The following MCOLN1 variants were observed in gnomAD, a reference collection of about 807,000 sequenced individuals.
MCOLN1 encodes mucolipin TRP cation channel 1, also known as mucolipin-1.
MCOLN1 carries 50 observed loss-of-function variants against 70.3 expected under a neutral mutation model. The observed-to-expected ratio is 0.71, with a 90% CI of 0.57 to 0.90. The LOEUF (loss-of-function observed/expected upper bound fraction) is 0.90. Among genes scored for constraint, MCOLN1 ranks in the 40% least tolerant of loss-of-function variants. The pLI is 0.00. For missense variants in MCOLN1, 598 were observed against 803.5 expected (o/e 0.74, Z 3.09); for synonymous variants, 366 against 341.0 (o/e 1.07, Z -0.81).
In MCOLN1 at chr19:7,533,994, G is replaced by A. The variant is rs1422021332; in HGVS notation, c.*199G>A. The A allele has an allele frequency of 1.5e-6, 1 of 661,860 alleles. No individual in the cohort carries two copies. The highest frequency in any genetic ancestry group is 1.8e-5 in the African/African-American group (1 of 55,418). The allele number at this position is 661,860 out of a possible 1,614,324, so 41.0% of individuals were successfully genotyped here. A position where few individuals can be genotyped will look rare whatever the true frequency, so the allele number is the denominator to read the frequency against. On this transcript the variant is annotated 3_prime_UTR_variant, in exon 14 of 14. Transcript: ENST00000264079. The stretch of plus-strand genomic sequence containing the variant: ...GTTGAATAAAAGGGAAAATAAATGT[G>A]TCGTTTTCATTTTTAGCGGGAGGAG...
In MCOLN1 at chr19:7,525,105, A is replaced by C. The variant is rs750866741; in HGVS notation, c.176A>C (p.Lys59Thr). 3 of 1,614,186 alleles carry C rather than the reference A, an allele frequency of 1.9e-6. No individual in the cohort carries two copies. Among genetic ancestry groups the C allele is most frequent in the Non-Finnish European group, 2.5e-6 (3 of 1,180,038 alleles). The change falls in exon 2 of 14, where the codon AAG (lysine) becomes ACG (threonine). Residue 59 changes from lysine (K) to threonine (T), a missense_variant. Lys to Thr is a moderately conservative substitution (Grantham distance 78, BLOSUM62 -1). Around this residue, in one of 3 missense-constraint regions of MCOLN1, gnomAD observed 461 missense variants for 588.4 expected, o/e 0.78. Coordinates refer to ENST00000264079, the MANE Select transcript of MCOLN1 (RefSeq NM_020533.3). This position sits in a 1 kb window ranked among gnomAD's most constrained non-coding sequence, Gnocchi z 4.2. ...FMSPCDKFRA[K>T]GRKPCKLMLQ... is the part of the protein sequence containing the mutation. ...AGTCCCTGCGACAAGTTTCGAGCCA[A>C]GGGCCGCAAGCCCTGCAAGCTGATG...
chr19:7,529,560 C>T, intron 10 of MCOLN1, 30 bp from the exon 11 acceptor site: 2 of 1,609,158 alleles, frequency 1.2e-6, no homozygotes, highest in Non-Finnish European at 1.7e-6. Flanking sequence ...TGGCCACACC[C>T]TCAACGAGGC....
chr19:7,525,011 C>T lies in MCOLN1; in HGVS notation c.82C>T (p.Pro28Ser). 1.2e-6 allele frequency: 2 copies of T among 1,613,386 alleles called. No individual in the cohort carries two copies. The highest frequency in any genetic ancestry group is 1.7e-6 in the Non-Finnish European group (2 of 1,179,944). ...CCCCGGGTATGGGACCCAGGCGGGGCCTTCACCGGCCCCTCCGACACCCCC... is the reference window on the plus strand; with the variant it reads ...CCCCGGGTATGGGACCCAGGCGGGGTCTTCACCGGCCCCTCCGACACCCCC... ...PNPGYGTQAG[P>S]SPAPPTPPEE... Residue 28 changes from proline (P) to serine (S), a missense_variant, in exon 2 of 14, where the codon CCT (proline) becomes TCT (serine). Pro to Ser is a moderately conservative substitution (Grantham distance 74, BLOSUM62 -1). Around this residue, in one of 3 missense-constraint regions of MCOLN1, gnomAD observed 461 missense variants for 588.4 expected, o/e 0.78. Transcript: ENST00000264079. This position sits in a 1 kb window ranked among gnomAD's most constrained non-coding sequence, Gnocchi z 4.2.
intron 10 of MCOLN1, 91 bp from the exon 11 acceptor site, chr19:7,529,499 A>AGGC: frequency 9.3e-5 from 94 of 1,014,146 alleles, no homozygotes; most frequent in East Asian, 2.1e-4. Context: ...GCCCTCGGCA[A>AGGC]GGCCCCGCCC....
chr19:7,525,509 ACT>A lies in MCOLN1; in HGVS notation c.237+346_237+347del, dbSNP rs1408809702. The A allele has an allele frequency of 7.5e-5, 24 of 317,952 alleles. No individual in the cohort carries two copies. In the East Asian group the frequency reaches 2.2e-3, roughly 29 times the overall value. The allele number at this position is 317,952 out of a possible 1,614,324, so 19.7% of individuals were successfully genotyped here. A position where few individuals can be genotyped will look rare whatever the true frequency, so the allele number is the denominator to read the frequency against. On this transcript the variant is annotated intron_variant, in intron 2 of 13. Transcript: ENST00000264079. The surrounding 1 kb of genome is among the most constrained non-coding windows in gnomAD (Gnocchi z 4.2). The stretch of plus-strand genomic sequence containing the variant: ...CTGTCTCAAAAAAAAAAAGAAGCCG[ACT>A]CTGAGGCTCAGAGAGGTTAGGAGAC...
In MCOLN1 at chr19:7,529,341, T is replaced by C. The variant is rs1019019031; in HGVS notation, c.1236+139T>C. The C allele has an allele frequency of 1.6e-5, 15 of 924,442 alleles. No homozygotes were observed. In the East Asian group the frequency reaches 2.6e-4, roughly 16 times the overall value. The allele number at this position is 924,442 out of a possible 1,614,324, so 57.3% of individuals were successfully genotyped here. A position where few individuals can be genotyped will look rare whatever the true frequency, so the allele number is the denominator to read the frequency against. ...TCCTCCTACCTGCCCACACCAGATA[T>C]ATCTGTCACTGCACCTGCGCGGGGC... On this transcript the variant is annotated intron_variant, in intron 10 of 13. Transcript: ENST00000264079.
Position 7,533,756 on chromosome 19 carries a change from C to T in MCOLN1, c.1707-3C>T. Reference sequence around the variant, plus strand: ...GCCCCTCTTCCCTGCTTCCTTCCTCCAGGGACCCCTCGGAGGAGCATTCGC... The same window carrying T: ...GCCCCTCTTCCCTGCTTCCTTCCTCTAGGGACCCCTCGGAGGAGCATTCGC... On this transcript the variant is annotated splice_polypyrimidine_tract_variant and splice_region_variant and intron_variant, in intron 13 of 13. Transcript: ENST00000264079. The T allele has an allele frequency of 6.2e-7, 1 of 1,614,220 alleles. No individual in the cohort carries two copies. Among genetic ancestry groups the T allele is most frequent in the Non-Finnish European group, 8.5e-7 (1 of 1,180,028 alleles).
At position 7,524,003 on chromosome 19, in the gene MCOLN1, G is replaced by T. The variant is rs2022532260; in HGVS notation, c.32-958G>T. On this transcript the variant is annotated intron_variant, in intron 1 of 13. Transcript: ENST00000264079. This position sits in a 1 kb window ranked among gnomAD's most constrained non-coding sequence, Gnocchi z 4.1. ...ATGGGGTCCCAGCTACTAACTACGG[G>T]CATGAGCCGTCACACCTGACTATTT... Among the ~76,000 whole-genome samples the T allele has an allele frequency of 6.6e-6, 1 of 151,978 alleles. No individual in the cohort carries two copies. The highest frequency in any genetic ancestry group is 1.5e-5 in the Non-Finnish European group (1 of 67,996).
rs866517037 is a variant in MCOLN1, at chr19:7,528,831, G to A, written c.995G>A (p.Gly332Glu). 8 of 1,614,134 alleles carry A rather than the reference G, an allele frequency of 5.0e-6. No homozygotes were observed. The highest frequency in any genetic ancestry group is 4.0e-5 in the African/African-American group (3 of 74,942). ...GCCTGCCTTCTGCAGGAGTTTGTGGGGTTCATGTGGCGGCAGCGGGGACGG... is the reference window on the plus strand; with the variant it reads ...GCCTGCCTTCTGCAGGAGTTTGTGGAGTTCATGTGGCGGCAGCGGGGACGG... ...RGFLLQNEFVGFMWRQRGRVI... is the reference protein window; with the variant it reads ...RGFLLQNEFVEFMWRQRGRVI... Residue 332 changes from glycine to glutamate, a missense_variant, in exon 9 of 14, where the codon GGG (glycine) becomes GAG (glutamate). Coordinates refer to ENST00000264079, the MANE Select transcript of MCOLN1 (RefSeq NM_020533.3). The surrounding 1 kb of genome is among the most constrained non-coding windows in gnomAD (Gnocchi z 4.2).
Position 7,528,668 on chromosome 19 carries a change from G to A in MCOLN1, c.949G>A (p.Ala317Thr), listed in dbSNP as rs137887342. ...LTCSLSFLLC[A>T]RSLLRGFLLQ... ...CTGCTCCCTGTCCTTCCTCCTCTGCGCCCGCTCACTCCTTCGAGGCTTCCT... is the reference window on the plus strand; with the variant it reads ...CTGCTCCCTGTCCTTCCTCCTCTGCACCCGCTCACTCCTTCGAGGCTTCCT... The change falls in exon 8 of 14, where the codon GCC (alanine) becomes ACC (threonine). Residue 317 changes from alanine to threonine, a missense_variant. Coordinates refer to ENST00000264079, the MANE Select transcript of MCOLN1 (RefSeq NM_020533.3). The surrounding 1 kb of genome is among the most constrained non-coding windows in gnomAD (Gnocchi z 4.2). 1.3e-4 allele frequency: 209 copies of A among 1,614,034 alleles called. No homozygotes were observed. The highest frequency in any genetic ancestry group is 1.5e-4 in the South Asian group (14 of 91,088).
Position 7,533,575 on chromosome 19 carries a change from A to G in MCOLN1, c.1628A>G (p.Gln543Arg), listed in dbSNP as rs766172784. Residue 543 changes from glutamine (Q) to arginine (R), a missense_variant, in exon 13 of 14, where the codon CAG becomes CGG. By Grantham distance (43) the Gln-to-Arg change is conservative. Around this residue, in one of 3 missense-constraint regions of MCOLN1, gnomAD observed 59 missense variants for 58.8 expected, o/e 1.00. Transcript: ENST00000264079. ...EESELQAYIA[Q>R]CQDSPTSGKF... ...AGCGAGCTGCAGGCCTACATCGCACAGTGCCAGGACAGCCCCACCTCCGGC... is the reference window on the plus strand; with the variant it reads ...AGCGAGCTGCAGGCCTACATCGCACGGTGCCAGGACAGCCCCACCTCCGGC... 3 of 1,612,820 alleles carry G rather than the reference A, an allele frequency of 1.9e-6. No individual in the cohort carries two copies. Among genetic ancestry groups the G allele is most frequent in the South Asian group, 2.2e-5 (2 of 91,040 alleles).
In MCOLN1 at chr19:7,526,167, G is replaced by A; in HGVS notation, c.238-272G>A. On this transcript the variant is annotated intron_variant, in intron 2 of 13. Transcript: ENST00000264079. This position sits in a 1 kb window ranked among gnomAD's most constrained non-coding sequence, Gnocchi z 4.6. ...CATTTAATGAACGTTAGTCCCTGCA[G>A]TGAGATAGATGAGTCCCCACCCTGT... is the stretch of plus-strand genomic sequence containing the variant. 1.8e-6 allele frequency: 1 copy of A among 551,518 alleles called. No homozygotes were observed. Among genetic ancestry groups the A allele is most frequent in the South Asian group, 2.0e-5 (1 of 50,012 alleles). The allele number at this position is 551,518 out of a possible 1,614,324, so 34.2% of individuals were successfully genotyped here.
At position 7,526,681 on chromosome 19, in the gene MCOLN1, G is replaced by C. The variant is rs1406595321; in HGVS notation, c.405+75G>C. 6.2e-7 allele frequency: 1 copy of C among 1,600,444 alleles called. No individual in the cohort carries two copies. The highest frequency in any genetic ancestry group is 1.3e-5 in the African/African-American group (1 of 74,636). ...GGCAGGTGCAGTTGGGCGGGCAGGT[G>C]CTGGTGGGCGGGCAGGTGCAGGTGG... On this transcript the variant is annotated intron_variant, in intron 3 of 13. Coordinates refer to ENST00000264079, the MANE Select transcript of MCOLN1 (RefSeq NM_020533.3). The surrounding 1 kb of genome is among the most constrained non-coding windows in gnomAD (Gnocchi z 4.6).
In MCOLN1 at chr19:7,528,338, C is replaced by T. The variant is rs537620566; in HGVS notation, c.877+81C>T. ...TTCCCCAAGCCCCAGATCAGCGCTG[C>T]CTGGGGGCCGTGACCTCCCCAGGAA... On this transcript the variant is annotated intron_variant, in intron 7 of 13. Coordinates refer to ENST00000264079, the MANE Select transcript of MCOLN1 (RefSeq NM_020533.3). This position sits in a 1 kb window ranked among gnomAD's most constrained non-coding sequence, Gnocchi z 4.2. 1,297 of 1,375,944 alleles carry T rather than the reference C, an allele frequency of 9.4e-4. 27 individuals carry two copies. The South Asian group carries it at 0.015, about 15-fold the overall frequency. 85.2% of individuals were successfully genotyped at this position (1,375,944 alleles called of 1,614,324 possible).
At position 7,528,039 on chromosome 19, in the gene MCOLN1, C is replaced by T; in HGVS notation, c.777+79C>T. On this transcript the variant is annotated intron_variant, in intron 6 of 13. Coordinates refer to ENST00000264079, the MANE Select transcript of MCOLN1 (RefSeq NM_020533.3). The surrounding 1 kb of genome is among the most constrained non-coding windows in gnomAD (Gnocchi z 4.2). Reference sequence around the variant, plus strand: ...TCAGGGAGTGTCTTGGGAGCACTGGCCAAGGGCAAGCGTGCGGGTGATGAG... The same window carrying T: ...TCAGGGAGTGTCTTGGGAGCACTGGTCAAGGGCAAGCGTGCGGGTGATGAG... 1 of 1,535,228 alleles carries T rather than the reference C, an allele frequency of 6.5e-7. No individual in the cohort carries two copies. Among genetic ancestry groups the T allele is most frequent in the South Asian group, 1.1e-5 (1 of 89,448 alleles).
rs780062195 is a variant in MCOLN1, at chr19:7,533,503, C to T, written c.1576-20C>T. On this transcript the variant is annotated intron_variant, in intron 12 of 13. Transcript: ENST00000264079. ...GTTGGGAGCCACTTTCAGGCTGAGC[C>T]TCCCGGCTTCTCTCCCCAGCATCCC... 1.2e-6 allele frequency: 2 copies of T among 1,610,302 alleles called. No homozygotes were observed. Among genetic ancestry groups the T allele is most frequent in the South Asian group, 2.2e-5 (2 of 90,960 alleles).
chr19:7,531,987 A>T (rs891898029), intron 12 of MCOLN1, among the ~76,000 whole-genome samples: 2 of 152,170 alleles, frequency 1.3e-5, no homozygotes, highest in Non-Finnish European at 2.9e-5. Context: ...CTGAGCAGTA[A>T]AACTGGGCTC....
chr19:7,527,605 G>A lies in MCOLN1; in HGVS notation c.657G>A (p.Lys219=). 1.9e-6 allele frequency: 3 copies of A among 1,613,548 alleles called. No individual in the cohort carries two copies. The South Asian group carries it at 3.3e-5, about 18-fold the overall frequency. ...TCTTGGAAAGCAGCTCCAGTTACAA[G>A]AACCTCACGCTCAAATTCCACAAGT... is the stretch of plus-strand genomic sequence containing the variant. ...LTLLESSSSY[K]NLTLKFHKLV... is the part of the protein sequence containing the mutation. The change falls in exon 5 of 14, where the codon AAG becomes AAA. Residue 219 remains lysine, a synonymous_variant. Coordinates refer to ENST00000264079, the MANE Select transcript of MCOLN1 (RefSeq NM_020533.3).
rs3029891 is a variant in MCOLN1 at position 7,525,490 on chromosome 19, C to CAA, written c.237+334_237+335dup. The CAA allele has an allele frequency of 0.066, 17,081 of 257,078 alleles. 340 individuals carry two copies. The highest frequency in any genetic ancestry group is 0.074 in the Non-Finnish European group (9,570 of 130,180). 15.9% of individuals were successfully genotyped at this position (257,078 alleles called of 1,614,324 possible). ...CCTGGGCAACAGAGCAAGACTGTCTCAAAAAAAAAAAGAAGCCGACTCTGA... is the reference window on the plus strand; with the variant it reads ...CCTGGGCAACAGAGCAAGACTGTCTCAAAAAAAAAAAAAGAAGCCGACTCTGA... On this transcript the variant is annotated intron_variant, in intron 2 of 13. Coordinates refer to ENST00000264079, the MANE Select transcript of MCOLN1 (RefSeq NM_020533.3). This position sits in a 1 kb window ranked among gnomAD's most constrained non-coding sequence, Gnocchi z 4.2.
Sources: gnomAD v4.1 joint callset for allele counts (sites outside exome capture counted in the v4.1 genomes callset) on GRCh38, gnomAD v4.1.1 for gene constraint, gnomAD v4.1.1 regional missense constraint, Gnocchi (gnomAD v3.1) non-coding constraint, MANE v1.5 for transcripts, NCBI Gene and HGNC (gene_info 2026-07-23, HGNC 2026-07-21) for gene names.